Variants in DDX4 observed in about 807,000 individuals in gnomAD.
DDX4 encodes the protein probable ATP-dependent RNA helicase DDX4.
In DDX4, 25 loss-of-function variants were observed where a neutral mutation model predicts 100.0. The ratio of observed to expected loss-of-function variants is 0.25; its 90% CI spans 0.18 to 0.35. The LOEUF (loss-of-function observed/expected upper bound fraction) is 0.35, where lower values mean the gene tolerates loss of function less well. DDX4 is among the 10% of genes least tolerant of loss of function. The pLI is 1.00. For missense variants in DDX4, 635 were observed against 882.4 expected (o/e 0.72, Z 3.55); for synonymous variants, 259 against 275.7 (o/e 0.94, Z 0.60).
intron 6 of DDX4, among the ~76,000 whole-genome samples, chr5:55,766,715 A>G (rs563001270): frequency 2.2e-4 from 33 of 152,298 alleles, no homozygotes; most frequent in Non-Finnish European, 4.1e-4. Context: ...CTTAGCTAAT[A>G]ACCTGCAAGC....
chr5:55,777,305 G>T (rs1421328280), intron 7 of DDX4, among the ~76,000 whole-genome samples: 1 of 152,132 alleles, frequency 6.6e-6, no homozygotes, highest in Non-Finnish European at 1.5e-5. Context: ...ATTTCAATAT[G>T]GAGTTGAAAG....
At chr5:55,805,119 CTGTT>C (rs1230280597) in intron 18 of DDX4, among the ~76,000 whole-genome samples, 9,571 of 150,746 alleles carry the variant, frequency 0.063, 338 homozygotes, top group African/African-American at 0.14. Flanking sequence ...ATTTGGCTCT[CTGTT>C]TGTCTGTTAT....
At chr5:55,815,547 C>T (rs897560166) in intron 21 of DDX4, 124 bp downstream of exon 21, 2 of 1,287,056 alleles carry the variant, frequency 1.6e-6, no homozygotes, top group Non-Finnish European at 2.0e-6. Flanking sequence ...TGGAAGGTAG[C>T]TACTTTATTA....
At chr5:55,764,158 C>G in intron 6 of DDX4, 94 bp downstream of exon 6, 1 of 949,580 alleles carries the variant, frequency 1.1e-6, no homozygotes, top group Non-Finnish European at 1.7e-6. Context: ...CGGGCCAATT[C>G]TAACTTATTT....
intron 18 of DDX4, among the ~76,000 whole-genome samples, chr5:55,804,006 T>C (rs971376363): frequency 2.0e-5 from 3 of 150,698 alleles, no homozygotes; most frequent in African/African-American, 7.3e-5. Flanking sequence ...TTTTGAATGA[T>C]TGCCATTCTA....
intron 3 of DDX4, among the ~76,000 whole-genome samples, chr5:55,759,402 A>G (rs1760155411): frequency 6.6e-6 from 1 of 152,042 alleles, no homozygotes; most frequent in Non-Finnish European, 1.5e-5. Flanking sequence ...ACGTCACCAA[A>G]TGGGATTTTA....
At chr5:55,802,240 A>T (rs554794395) in intron 18 of DDX4, among the ~76,000 whole-genome samples, 1 of 152,334 alleles carries the variant, frequency 6.6e-6, no homozygotes, top group South Asian at 2.1e-4. Context: ...GACTTAGTTA[A>T]GAAATCTGAA....
intron 7 of DDX4, among the ~76,000 whole-genome samples, chr5:55,771,166 A>G (rs1236853135): frequency 6.6e-6 from 1 of 152,196 alleles, no homozygotes; most frequent in Admixed American, 6.5e-5. Context: ...ACAGGTACAC[A>G]TACCATAAGT....
chr5:55,799,312 C>T (rs760983134), intron 18 of DDX4, among the ~76,000 whole-genome samples: 8 of 152,040 alleles, frequency 5.3e-5, no homozygotes, highest in African/African-American at 1.9e-4. Flanking sequence ...ATCCTCCCAC[C>T]TTGTCCTTCC....
chr5:55,738,311 T>G (rs901478807), intron 1 of DDX4: 1 of 152,412 alleles, frequency 6.6e-6, no homozygotes, highest in African/African-American at 2.4e-5. Context: ...ATTCCTGGCT[T>G]CTTCACTGCG....
chr5:55,786,762 G>A (rs1742273136), intron 14 of DDX4, 92 bp downstream of exon 14: 6 of 989,034 alleles, frequency 6.1e-6, no homozygotes, highest in Non-Finnish European at 9.3e-6. Context: ...TAGAAGGTTT[G>A]TAGATGGTTT....
intron 3 of DDX4, among the ~76,000 whole-genome samples, chr5:55,754,834 A>G (rs1472566791): frequency 1.3e-5 from 2 of 152,038 alleles, no homozygotes; most frequent in Admixed American, 6.5e-5. Flanking sequence ...GCTATTGATT[A>G]TTGCCACAAT....
At chr5:55,799,177 C>T (rs1278268028) in intron 18 of DDX4, among the ~76,000 whole-genome samples, 2 of 152,090 alleles carry the variant, frequency 1.3e-5, no homozygotes, top group Non-Finnish European at 2.9e-5. Flanking sequence ...AAGCGATCCT[C>T]CCACCTCAGC....
intron 10 of DDX4, among the ~76,000 whole-genome samples, chr5:55,784,254 C>T (rs1742107660): frequency 6.6e-6 from 1 of 152,118 alleles, no homozygotes; most frequent in Non-Finnish European, 1.5e-5. Flanking sequence ...GCCAGAGAAC[C>T]TGGAGTTCTG....
At chr5:55,766,962 T>C in intron 6 of DDX4, 1 of 1,526,912 alleles carries the variant, frequency 6.5e-7, no homozygotes, top group South Asian at 1.2e-5. Flanking sequence ...TAACCAACTC[T>C]CCAGGTAGTT....
rs199707542 is a variant in DDX4, at chr5:55,815,347, T to G, written c.2021T>G (p.Ile674Ser). 16 of 1,613,362 alleles carry G rather than the reference T, an allele frequency of 9.9e-6. No homozygotes were observed. Among genetic ancestry groups the G allele is most frequent in the South Asian group, 2.2e-5 (2 of 90,706 alleles). Residue 674 changes from isoleucine to serine, a missense_variant, in exon 21 of 22, where the codon ATT becomes AGT. Transcript: ENST00000505374. ...GATGTTCCTGCATGGTTGGAAGAAA[T>G]TGCCTTTAGTACATACATTCCTGGC... is the stretch of plus-strand genomic sequence containing the variant. The part of the protein sequence containing the change: ...QQDVPAWLEE[I>S]AFSTYIPGFS...
chr5:55,760,953 T>G (rs1740500286), intron 4 of DDX4, among the ~76,000 whole-genome samples: 1 of 152,220 alleles, frequency 6.6e-6, no homozygotes, highest in African/African-American at 2.4e-5. Flanking sequence ...GAGGGCTATT[T>G]GTTAAACATA....
intron 18 of DDX4, among the ~76,000 whole-genome samples, chr5:55,800,524 C>G (rs1743233018): frequency 6.6e-6 from 1 of 152,058 alleles, no homozygotes; most frequent in African/African-American, 2.4e-5. Flanking sequence ...CAGGGTTTCA[C>G]CGTGTTAGCC....
intron 18 of DDX4, among the ~76,000 whole-genome samples, chr5:55,807,644 A>G (rs1005781033): frequency 1.3e-5 from 2 of 152,170 alleles, no homozygotes; most frequent in African/African-American, 4.8e-5. Flanking sequence ...AATGTTGAAT[A>G]TTGGCCCCCA....
Sources: allele counts gnomAD v4.1 joint callset (sites outside exome capture counted in the v4.1 genomes callset), GRCh38; gene constraint gnomAD v4.1.1; transcripts MANE v1.5; gene names NCBI Gene and HGNC (gene_info 2026-07-23, HGNC 2026-07-21).